The following NUMA1 variants were observed in gnomAD, a reference collection of about 807,000 sequenced individuals.
NUMA1 encodes the protein nuclear mitotic apparatus protein 1.
Under a neutral mutation model 237.1 loss-of-function variants are expected in NUMA1, and 62 were observed. The observed-to-expected ratio is 0.26, with a 90% confidence interval of 0.21 to 0.32. The LOEUF is 0.32. NUMA1 is among the 10% of genes least tolerant of loss of function. The probability of loss-of-function intolerance (pLI) is 1.00; values close to 1 mark genes in which losing one functional copy is unlikely to be tolerated. For synonymous variants in NUMA1, 1,028 were observed against 1,066.1 expected (o/e 0.96, Z 0.70); for missense variants, 2,533 against 2,666.5 (o/e 0.95, Z 1.10).
chr11:72,036,149 G>C (rs1292537051), intron 2 of NUMA1, among the ~76,000 whole-genome samples, 174 bp from the exon 3 acceptor site: 1 of 152,012 alleles, frequency 6.6e-6, no homozygotes, highest in Non-Finnish European at 1.5e-5. Context: ...AATTACTATA[G>C]AGCTTACATC....
rs912263809 is a variant in NUMA1, at chr11:72,006,076, G to A, written c.5651C>T (p.Ala1884Val). 2 of 1,613,888 alleles carry A rather than the reference G, an allele frequency of 1.2e-6. No individual in the cohort carries two copies. Among genetic ancestry groups the A allele is most frequent in the Non-Finnish European group, 8.5e-7 (1 of 1,179,926 alleles). Residue 1884 changes from alanine to valine, a missense_variant, in exon 22 of 27, where the codon GCT becomes GTT. By Grantham distance (64) the Ala-to-Val change is moderately conservative. Around this residue, in one of 3 missense-constraint regions of NUMA1, gnomAD observed 795 missense variants for 750.8 expected, o/e 1.06. Coordinates refer to ENST00000393695, the MANE Select transcript of NUMA1 (RefSeq NM_006185.4). ...PGYRPTTRSS[A>V]RRSQAGVSSG... Reference sequence around the variant, plus strand: ...GGACACCCCGGCCTGGGAACGACGAGCAGAACTGCGAGTGGTGGGGCGGTA... The same window carrying A: ...GGACACCCCGGCCTGGGAACGACGAACAGAACTGCGAGTGGTGGGGCGGTA...
chr11:72,012,153 C>T, intron 16 of NUMA1: 1 of 496,068 alleles, frequency 2.0e-6, no homozygotes, highest in Non-Finnish European at 3.6e-6. Context: ...ACCCCTTGTC[C>T]CTGATAGGCA....
intron 2 of NUMA1, among the ~76,000 whole-genome samples, chr11:72,054,261 T>C: frequency 6.6e-6 from 1 of 151,056 alleles, no homozygotes; most frequent in East Asian, 1.9e-4. Flanking sequence ...AGGCCAGGAG[T>C]TCGAGACCAG....
rs1199371839 is a variant in NUMA1 at position 72,008,953 on chromosome 11, A to G, written c.5058+14T>C. On this transcript the variant is annotated intron_variant, in intron 19 of 26. Coordinates refer to ENST00000393695, the MANE Select transcript of NUMA1 (RefSeq NM_006185.4). ...GGAATAGGAGTGAGGTGAGTCTGCC[A>G]GCCAAATTCTTACCTGTGCCTCCAG... 2 of 1,613,682 alleles carry G rather than the reference A, an allele frequency of 1.2e-6. No individual in the cohort carries two copies. Among genetic ancestry groups the G allele is most frequent in the African/African-American group, 1.3e-5 (1 of 74,938 alleles).
intron 2 of NUMA1, among the ~76,000 whole-genome samples, chr11:72,060,645 A>G (rs1427607580): frequency 6.6e-6 from 1 of 152,178 alleles, no homozygotes; most frequent in East Asian, 1.9e-4. Context: ...TCCATGTCGA[A>G]AAAACAAAAC....
Position 72,015,992 on chromosome 11 carries a change from G to A in NUMA1, c.1511C>T (p.Thr504Ile), listed in dbSNP as rs1404985181. 1 of 1,614,022 alleles carries A rather than the reference G, an allele frequency of 6.2e-7. No individual in the cohort carries two copies. Residue 504 changes from threonine to isoleucine, a missense_variant, in exon 15 of 27, where the codon ACC (threonine) becomes ATC (isoleucine). Coordinates refer to ENST00000393695, the MANE Select transcript of NUMA1 (RefSeq NM_006185.4). This position sits in a 1 kb window ranked among gnomAD's most constrained non-coding sequence, Gnocchi z 4.0. ...GGCATTGAGTGTGGTGAGCTCAGAGGTCAGAGAGGCCACCTGGGCAGTCAA... is the reference window on the plus strand; with the variant it reads ...GGCATTGAGTGTGGTGAGCTCAGAGATCAGAGAGGCCACCTGGGCAGTCAA... ...ARLTAQVASL[T>I]SELTTLNATI... is the part of the protein sequence containing the mutation.
chr11:72,072,923 TC>T (rs966111925), intron 1 of NUMA1, among the ~76,000 whole-genome samples: 3 of 151,740 alleles, frequency 2.0e-5, no homozygotes, highest in African/African-American at 7.3e-5. Flanking sequence ...GTGCCTGTAG[TC>T]CCAGCTACTC....
chr11:72,020,003 A>G (rs1938530797), intron 8 of NUMA1, among the ~76,000 whole-genome samples: 1 of 152,160 alleles, frequency 6.6e-6, no homozygotes, highest in Non-Finnish European at 1.5e-5. Context: ...TATCAGAGCC[A>G]TTGGCCACCA....
intron 24 of NUMA1, 42 bp downstream of exon 24, chr11:72,004,598 G>A: frequency 4.4e-6 from 7 of 1,590,454 alleles, no homozygotes; most frequent in Non-Finnish European, 6.0e-6. Flanking sequence ...GGCCTGACCT[G>A]AGCACAGTGC....
At chr11:72,009,849 T>G (rs1032749436) in intron 17 of NUMA1, among the ~76,000 whole-genome samples, 6 of 152,202 alleles carry the variant, frequency 3.9e-5, no homozygotes, top group African/African-American at 1.4e-4. Context: ...TTCAGAGATT[T>G]AAGCAAATTG....
At chr11:72,053,917 T>C (rs942067835) in intron 2 of NUMA1, among the ~76,000 whole-genome samples, 3 of 152,218 alleles carry the variant, frequency 2.0e-5, no homozygotes, top group Admixed American at 2.0e-4. Flanking sequence ...CATTGCATTA[T>C]ATAAGTAATC....
Position 72,031,217 on chromosome 11 carries a change from T to C in NUMA1, c.43-1927A>G, listed in dbSNP as rs192750535. On this transcript the variant is annotated intron_variant, in intron 3 of 26. Transcript: ENST00000393695. ...ATAAGAGGCTGAGGTAGGTGGATCA[T>C]TTGAGCCCAGGAGCTGGAGAAGTTA... Among the ~76,000 whole-genome samples, 569 of 152,126 alleles carry C rather than the reference T, an allele frequency of 3.7e-3. 4 individuals carry two copies. The highest frequency in any genetic ancestry group is 0.013 in the African/African-American group (549 of 41,470).
At position 72,014,590 on chromosome 11, in the gene NUMA1, C is replaced by T; in HGVS notation, c.2913G>A (p.Glu971=). Residue 971 remains glutamate, a synonymous_variant, in exon 15 of 27, where the codon GAG becomes GAA. Transcript: ENST00000393695. This position sits in a 1 kb window ranked among gnomAD's most constrained non-coding sequence, Gnocchi z 4.6. ...CSTQAALQAM[E]REAEQMGNEL... ...CATTGCCCATCTGCTCTGCCTCCCG[C>T]TCCATAGCCTGCAGCGCTGCCTGTG... is the stretch of plus-strand genomic sequence containing the variant. The T allele has an allele frequency of 6.2e-7, 1 of 1,605,788 alleles. No individual in the cohort carries two copies. The highest frequency in any genetic ancestry group is 8.5e-7 in the Non-Finnish European group (1 of 1,179,998).
chr11:72,023,643 G>A lies in NUMA1; in HGVS notation c.209-496C>T, dbSNP rs1350369742. Among the ~76,000 whole-genome samples, 3 of 152,144 alleles carry A rather than the reference G, an allele frequency of 2.0e-5. No individual in the cohort carries two copies. In the East Asian group the frequency reaches 5.8e-4, roughly 29 times the overall value. On this transcript the variant is annotated intron_variant, in intron 5 of 26. Coordinates refer to ENST00000393695, the MANE Select transcript of NUMA1 (RefSeq NM_006185.4). The stretch of plus-strand genomic sequence containing the variant: ...TTTCCTATAATTCTCTAGGGGTGGA[G>A]ATGGCAGCTAGCTCCCCATGTCAAA...
Position 72,021,115 on chromosome 11 carries a change from A to C in NUMA1, c.460+89T>G, listed in dbSNP as rs952213305. 4.6e-6 allele frequency: 5 copies of C among 1,087,278 alleles called. No individual in the cohort carries two copies. In the Admixed American group the frequency reaches 9.2e-5, roughly 20 times the overall value. 67.4% of individuals were successfully genotyped at this position (1,087,278 alleles called of 1,614,324 possible). ...AACTCTGCCTTGTGTTGGGGACAGA[A>C]ACAAACCCCCACCATACTTGACAAC... On this transcript the variant is annotated intron_variant, in intron 8 of 26. Coordinates refer to ENST00000393695, the MANE Select transcript of NUMA1 (RefSeq NM_006185.4).
chr11:72,068,764 C>G (rs535266485), intron 2 of NUMA1: 2 of 152,276 alleles, frequency 1.3e-5, no homozygotes, highest in South Asian at 4.1e-4. Flanking sequence ...ATGAAAACTG[C>G]AATCAAAATA....
chr11:72,064,557 G>A (rs912497121), intron 2 of NUMA1, among the ~76,000 whole-genome samples: 6 of 152,216 alleles, frequency 3.9e-5, no homozygotes, highest in Non-Finnish European at 8.8e-5. Flanking sequence ...TATAGGCTGG[G>A]TGCAGTGGCA....
At chr11:72,039,492 T>C (rs1357518457) in intron 2 of NUMA1, among the ~76,000 whole-genome samples, 1 of 152,182 alleles carries the variant, frequency 6.6e-6, no homozygotes, top group East Asian at 1.9e-4. Context: ...TGTTAAACTA[T>C]ACCGATCTCT....
chr11:72,006,357 A>T (rs1590861198), intron 21 of NUMA1, 94 bp from the exon 22 acceptor site: 2 of 1,036,876 alleles, frequency 1.9e-6, no homozygotes, highest in Non-Finnish European at 2.8e-6. Flanking sequence ...CCCACGGCAC[A>T]TCCATGTATT....
Sources: allele counts gnomAD v4.1 joint callset (sites outside exome capture counted in the v4.1 genomes callset), GRCh38; gene constraint gnomAD v4.1.1; regional missense constraint gnomAD v4.1.1; non-coding constraint Gnocchi (gnomAD v3.1); transcripts MANE v1.5; gene names NCBI Gene and HGNC (gene_info 2026-07-23, HGNC 2026-07-21).